The following PPP3CA variants were observed in gnomAD, a reference collection of about 807,000 sequenced individuals.
PPP3CA encodes the protein protein phosphatase 3 catalytic subunit alpha.
Under a neutral mutation model 66.5 loss-of-function variants are expected in PPP3CA, and 14 were observed. The ratio of observed to expected loss-of-function variants is 0.21; its 90% CI spans 0.14 to 0.33. The LOEUF (loss-of-function observed/expected upper bound fraction) is 0.33. PPP3CA is among the 10% of genes least tolerant of loss of function. The probability of loss-of-function intolerance (pLI) is 1.00; values close to 1 mark genes in which losing one functional copy is unlikely to be tolerated. For missense variants in PPP3CA, 317 were observed against 639.5 expected (o/e 0.50, Z 5.44); for synonymous variants, 232 against 226.2 (o/e 1.03, Z -0.23).
intron 2 of PPP3CA, among the ~76,000 whole-genome samples, chr4:101,156,254 C>A (rs1051296618): frequency 2.0e-5 from 3 of 152,118 alleles, no homozygotes; most frequent in African/African-American, 7.2e-5. Context: ...ACTCAGGGGG[C>A]CTTTACAACC....
chr4:101,151,718 G>A (rs1314070086), intron 2 of PPP3CA, among the ~76,000 whole-genome samples: 3 of 138,000 alleles, frequency 2.2e-5, no homozygotes, highest in Non-Finnish European at 4.6e-5. Context: ...GTGCAGTGGC[G>A]CAATCTCAGC....
At chr4:101,093,642 T>C (rs1730059809) in intron 6 of PPP3CA, 134 bp downstream of exon 6, 1 of 892,814 alleles carries the variant, frequency 1.1e-6, no homozygotes, top group African/African-American at 1.7e-5. Context: ...TATTTTCATT[T>C]TATAAATGCT....
intron 1 of PPP3CA, among the ~76,000 whole-genome samples, chr4:101,325,727 C>T (rs1159663177): frequency 6.6e-6 from 1 of 152,166 alleles, no homozygotes; most frequent in Non-Finnish European, 1.5e-5. Context: ...ATGGCTTCTA[C>T]TGCTCACAGT....
At chr4:101,029,611 C>CCAGA (rs1726847695) in intron 12 of PPP3CA, among the ~76,000 whole-genome samples, 1 of 151,392 alleles carries the variant, frequency 6.6e-6, no homozygotes. Flanking sequence ...TTTTAAAATG[C>CCAGA]CAGACAAAAT....
At chr4:101,096,617 T>G (rs1342876967) in intron 5 of PPP3CA, among the ~76,000 whole-genome samples, 1 of 152,204 alleles carries the variant, frequency 6.6e-6, no homozygotes, top group Admixed American at 6.5e-5. Flanking sequence ...GTTTCTCATC[T>G]TCCATCCAAG....
intron 6 of PPP3CA, among the ~76,000 whole-genome samples, chr4:101,090,094 GC>G (rs953176482): frequency 1.3e-5 from 2 of 152,104 alleles, no homozygotes; most frequent in African/African-American, 4.8e-5. Flanking sequence ...CAATTTCATG[GC>G]TTGCTTGTGC....
chr4:101,269,653 C>T (rs1455951815), intron 1 of PPP3CA, among the ~76,000 whole-genome samples: 1 of 150,754 alleles, frequency 6.6e-6, no homozygotes, highest in African/African-American at 2.4e-5. Flanking sequence ...TATTAATAGG[C>T]ATTCATTAAA....
intron 1 of PPP3CA, among the ~76,000 whole-genome samples, chr4:101,223,515 T>G (rs1725690798): frequency 6.6e-6 from 1 of 151,796 alleles, no homozygotes; most frequent in East Asian, 1.9e-4. Context: ...TTTAGTTCTC[T>G]TCCCCTGATT....
chr4:101,216,598 C>T (rs145679569), intron 1 of PPP3CA, among the ~76,000 whole-genome samples: 242 of 152,142 alleles, frequency 1.6e-3, no homozygotes, highest in African/African-American at 5.5e-3. Context: ...AATTCAGCAG[C>T]GCAATCTCAT....
chr4:101,045,182 C>A (rs1313149037), intron 10 of PPP3CA, among the ~76,000 whole-genome samples: 2 of 152,200 alleles, frequency 1.3e-5, no homozygotes, highest in Admixed American at 6.5e-5. Flanking sequence ...ATACAGCCTG[C>A]CATGTGCTAG....
chr4:101,088,633 T>C (rs1251792506), intron 6 of PPP3CA, among the ~76,000 whole-genome samples: 1 of 137,372 alleles, frequency 7.3e-6, no homozygotes, highest in Non-Finnish European at 1.6e-5. Flanking sequence ...AGAGAGAATA[T>C]ACTACAGTAA....
rs1032386190 is a variant in PPP3CA, at chr4:101,276,935, C to T, written c.58+69804G>A. On this transcript the variant is annotated intron_variant, in intron 1 of 13. Transcript: ENST00000394854. The stretch of plus-strand genomic sequence containing the variant: ...TTCATTCTTTGTGTTACACATTCTA[C>T]GGATTTCAACAAATGTATAATGACA... 4.0e-5 allele frequency among the ~76,000 whole-genome samples: 6 copies of T among 151,746 alleles called. No homozygotes were observed. The East Asian group carries it at 9.6e-4, about 24-fold the overall frequency.
At chr4:101,336,906 G>GT in intron 1 of PPP3CA, among the ~76,000 whole-genome samples, 1 of 152,102 alleles carries the variant, frequency 6.6e-6, no homozygotes, top group Non-Finnish European at 1.5e-5. Flanking sequence ...TCCAATTCTG[G>GT]GAGTCTCATT....
rs1266183806 is a variant in PPP3CA at position 101,106,464 on chromosome 4, A to G, written c.384+2490T>C. Among the ~76,000 whole-genome samples the G allele has an allele frequency of 1.5e-4, 7 of 47,032 alleles. 3 individuals are homozygous for G. The highest frequency in any genetic ancestry group is 1.3e-3 in the African/African-American group (7 of 5,470). The allele number at this position is 47,032 out of a possible 152,430, so 30.9% of individuals were successfully genotyped here. ...AAGAAAGAAAGAAAGAGAAAAGAAAAGAAAAGAAAAGAAAAGAAAAGAAAA... is the reference window on the plus strand; with the variant it reads ...AAGAAAGAAAGAAAGAGAAAAGAAAGGAAAAGAAAAGAAAAGAAAAGAAAA... On this transcript the variant is annotated intron_variant, in intron 3 of 13. Coordinates refer to ENST00000394854, the MANE Select transcript of PPP3CA (RefSeq NM_000944.5).
rs377485338 is a variant in PPP3CA at position 101,276,760 on chromosome 4, G to T, written c.58+69979C>A. On this transcript the variant is annotated intron_variant, in intron 1 of 13. Coordinates refer to ENST00000394854, the MANE Select transcript of PPP3CA (RefSeq NM_000944.5). ...GATTTAGAGAAAAAAAAACTGAATG[G>T]TAAGTACAGAGTTCCCATTTACCCC... 8.5e-4 allele frequency among the ~76,000 whole-genome samples: 129 copies of T among 152,256 alleles called. 1 individual carries two copies. The South Asian group carries it at 0.027, about 31-fold the overall frequency.
At chr4:101,298,740 G>A (rs993619610) in intron 1 of PPP3CA, among the ~76,000 whole-genome samples, 1 of 151,984 alleles carries the variant, frequency 6.6e-6, no homozygotes, top group Non-Finnish European at 1.5e-5. Context: ...GCCAACAGTA[G>A]GCTATTAGTA....
chr4:101,042,121 G>A (rs1008783682), intron 10 of PPP3CA, among the ~76,000 whole-genome samples: 2 of 139,892 alleles, frequency 1.4e-5, no homozygotes, highest in African/African-American at 5.4e-5. Flanking sequence ...CCATGAGAAA[G>A]AAAACTTGTA....
At chr4:101,205,357 C>G (rs1169142678) in intron 1 of PPP3CA, among the ~76,000 whole-genome samples, 1 of 152,056 alleles carries the variant, frequency 6.6e-6, no homozygotes, top group Non-Finnish European at 1.5e-5. Flanking sequence ...CTCTGGGGTA[C>G]ATGAATCCAG....
chr4:101,194,514 C>G (rs1189213510), intron 2 of PPP3CA, among the ~76,000 whole-genome samples: 1 of 152,084 alleles, frequency 6.6e-6, no homozygotes, highest in Non-Finnish European at 1.5e-5. Flanking sequence ...ATTAAGCAAA[C>G]TCCATAAAGA....
Sources: allele counts gnomAD v4.1 joint callset (sites outside exome capture counted in the v4.1 genomes callset), GRCh38; gene constraint gnomAD v4.1.1; transcripts MANE v1.5; gene names NCBI Gene and HGNC (gene_info 2026-07-23, HGNC 2026-07-21).